RGS6: variants seen among roughly 807,000 people sequenced by gnomAD.
The protein encoded by RGS6 is regulator of G-protein signaling 6.
Under a neutral mutation model 78.5 loss-of-function variants are expected in RGS6, and 30 were observed. The observed-to-expected ratio is 0.38, with a 90% CI of 0.29 to 0.52. The LOEUF (loss-of-function observed/expected upper bound fraction) is 0.52, where lower values mean the gene tolerates loss of function less well. Ranked by LOEUF, RGS6 falls within the 20% of genes least tolerant of loss-of-function variation. The probability of loss-of-function intolerance (pLI) is 0.85; values close to 1 mark genes in which losing one functional copy is unlikely to be tolerated. For missense variants in RGS6, 495 were observed against 609.7 expected, an observed-to-expected ratio of 0.81 and a Z score of 1.98; for synonymous variants, 206 against 206.0, an observed-to-expected ratio of 1.00 and a Z score of 0.00.
At chr14:72,377,157 C>T (rs1434548718) in intron 3 of RGS6, among the ~76,000 whole-genome samples, 1 of 152,076 alleles carries the variant, frequency 6.6e-6, no homozygotes, top group African/African-American at 2.4e-5. Flanking sequence ...CCACAAGAAA[C>T]TCATCTCACC....
At chr14:72,332,186 G>A (rs2075195508) in intron 2 of RGS6, among the ~76,000 whole-genome samples, 1 of 152,178 alleles carries the variant, frequency 6.6e-6, no homozygotes, top group Admixed American at 6.5e-5. Context: ...GCCAGAACCA[G>A]GTCTCCTTGA....
chr14:72,151,531 A>T (rs965435482), intron 2 of RGS6, among the ~76,000 whole-genome samples: 1 of 152,140 alleles, frequency 6.6e-6, no homozygotes, highest in Non-Finnish European at 1.5e-5. Context: ...AGCATGGGGG[A>T]AAAAAGCTAG....
chr14:72,257,716 T>C (rs1054650374), intron 2 of RGS6, among the ~76,000 whole-genome samples: 25 of 152,120 alleles, frequency 1.6e-4, no homozygotes, highest in African/African-American at 6.0e-4. Context: ...GCCCTGAGGA[T>C]TGGTCACCTT....
At chr14:72,200,093 C>T (rs1000028006) in intron 2 of RGS6, among the ~76,000 whole-genome samples, 3 of 152,190 alleles carry the variant, frequency 2.0e-5, no homozygotes, top group Non-Finnish European at 2.9e-5. Flanking sequence ...CCTAATTAAT[C>T]TGTCCTATTG....
At chr14:72,430,278 C>T (rs1208304815) in intron 3 of RGS6, among the ~76,000 whole-genome samples, 1 of 152,226 alleles carries the variant, frequency 6.6e-6, no homozygotes, top group Non-Finnish European at 1.5e-5. Flanking sequence ...TCTTCTCTAA[C>T]ATCTCCACCC....
intron 2 of RGS6, among the ~76,000 whole-genome samples, chr14:72,228,625 G>A (rs2048745372): frequency 6.6e-6 from 1 of 152,290 alleles, no homozygotes; most frequent in South Asian, 2.1e-4. Context: ...AACTTGAATC[G>A]AACATTGAAT....
chr14:71,944,203 G>T (rs751149156), intron 1 of RGS6, among the ~76,000 whole-genome samples: 22 of 152,134 alleles, frequency 1.4e-4, no homozygotes, highest in Non-Finnish European at 2.8e-4. Flanking sequence ...AAAACTATGG[G>T]TCCGTCATAT....
chr14:71,904,575 C>T, the RGS6 span, among the ~76,000 whole-genome samples: 1 of 152,222 alleles, frequency 6.6e-6, no homozygotes, highest in African/African-American at 2.4e-5. Flanking sequence ...TTGTTTGGGC[C>T]TCTGAGTTCC....
chr14:71,886,867 G>C, the RGS6 span, among the ~76,000 whole-genome samples: 2 of 151,934 alleles, frequency 1.3e-5, no homozygotes, highest in African/African-American at 4.9e-5. Flanking sequence ...CAATGCAAGA[G>C]ATGCTGAGAA....
intron 2 of RGS6, among the ~76,000 whole-genome samples, chr14:72,319,283 T>C (rs906565254): frequency 2.0e-5 from 3 of 151,154 alleles, no homozygotes; most frequent in African/African-American, 7.3e-5. Flanking sequence ...AGGTCAGGGG[T>C]AATATGGTGA....
chr14:72,322,722 AG>A (rs934134846), intron 2 of RGS6, among the ~76,000 whole-genome samples: 88 of 152,276 alleles, frequency 5.8e-4, no homozygotes, highest in African/African-American at 2.1e-3. Flanking sequence ...GTCTTAAAAA[AG>A]TAAGACTATT....
intron 2 of RGS6, among the ~76,000 whole-genome samples, chr14:72,020,461 G>A (rs558344227): frequency 3.3e-5 from 5 of 152,328 alleles, no homozygotes; most frequent in African/African-American, 1.2e-4. Flanking sequence ...GCCTGTGGCT[G>A]CATGGTCTGA....
intron 2 of RGS6, among the ~76,000 whole-genome samples, chr14:72,263,601 A>G (rs773870306): frequency 1.3e-5 from 2 of 152,222 alleles, no homozygotes; most frequent in African/African-American, 2.4e-5. Flanking sequence ...TGATTAGGTC[A>G]TGGAGGCAGG....
chr14:72,524,671 C>T (rs1436295033), intron 15 of RGS6, among the ~76,000 whole-genome samples: 1 of 152,182 alleles, frequency 6.6e-6, no homozygotes, highest in East Asian at 1.9e-4. Flanking sequence ...AACCTTGACC[C>T]GTGCGGCATA....
intron 3 of RGS6, among the ~76,000 whole-genome samples, chr14:72,445,143 C>A (rs1289047122): frequency 6.6e-6 from 1 of 152,194 alleles, no homozygotes; most frequent in Non-Finnish European, 1.5e-5. Context: ...TGAATTGCTA[C>A]CTAATATTTG....
intron 2 of RGS6, among the ~76,000 whole-genome samples, chr14:72,283,311 A>G (rs892571624): frequency 3.9e-5 from 6 of 152,202 alleles, no homozygotes; most frequent in African/African-American, 1.4e-4. Flanking sequence ...TCACTGGATC[A>G]TATGATAGTG....
intron 2 of RGS6, among the ~76,000 whole-genome samples, chr14:72,177,683 G>A (rs1418297479): frequency 6.6e-6 from 1 of 152,128 alleles, no homozygotes; most frequent in Non-Finnish European, 1.5e-5. Flanking sequence ...AGATCTTATT[G>A]TCTCATTTAT....
the RGS6 span, among the ~76,000 whole-genome samples, chr14:72,592,452 T>G: frequency 6.6e-6 from 1 of 152,256 alleles, no homozygotes; most frequent in East Asian, 1.9e-4. Flanking sequence ...GGTGTTAAGC[T>G]GAAGGTTTGC....
chr14:72,475,705 G>T (rs2096223179), intron 10 of RGS6, among the ~76,000 whole-genome samples: 1 of 151,712 alleles, frequency 6.6e-6, no homozygotes, highest in Non-Finnish European at 1.5e-5. Flanking sequence ...CTCCAGCCTG[G>T]GCAACAAGAG....
Sources: allele counts gnomAD v4.1 joint callset (sites outside exome capture counted in the v4.1 genomes callset), GRCh38; gene constraint gnomAD v4.1.1; transcripts MANE v1.5; gene names NCBI Gene and HGNC (gene_info 2026-07-23, HGNC 2026-07-21).